Variants in SORCS2 observed in about 807,000 individuals in gnomAD.
SORCS2 encodes the protein VPS10 domain-containing receptor SorCS2.
In SORCS2, 100 loss-of-function variants were observed where a neutral mutation model predicts 141.6. That is an observed-to-expected ratio of 0.71 (90% CI 0.60 to 0.83). The LOEUF is 0.83. Among genes scored for constraint, SORCS2 ranks in the 40% least tolerant of loss-of-function variants. The pLI, the probability that SORCS2 is intolerant of heterozygous loss-of-function variation, is 0.00. For synonymous variants in SORCS2, 789 were observed against 676.9 expected, an observed-to-expected ratio of 1.17 and a Z score of -2.57; for missense variants, 1,646 against 1,560.2, an observed-to-expected ratio of 1.05 and a Z score of -0.93.
At chr4:7,216,973 C>A (rs1320175548) in intron 1 of SORCS2, among the ~76,000 whole-genome samples, 2 of 152,144 alleles carry the variant, frequency 1.3e-5, no homozygotes, top group Non-Finnish European at 2.9e-5. Flanking sequence ...TCTTCTGATC[C>A]CCCATCCGCA....
At chr4:7,206,452 A>T (rs947182717) in intron 1 of SORCS2, among the ~76,000 whole-genome samples, 5 of 152,166 alleles carry the variant, frequency 3.3e-5, no homozygotes, top group African/African-American at 9.7e-5. Flanking sequence ...CAAAGCTGGT[A>T]AGTGAGGATC....
chr4:7,639,186 C>T (rs572178061), intron 4 of SORCS2, among the ~76,000 whole-genome samples: 1 of 152,326 alleles, frequency 6.6e-6, no homozygotes, highest in East Asian at 1.9e-4. Flanking sequence ...CAGGCTCTAG[C>T]TTAAGCAACA....
At chr4:7,490,904 C>T (rs1286081927) in intron 2 of SORCS2, among the ~76,000 whole-genome samples, 3 of 152,118 alleles carry the variant, frequency 2.0e-5, no homozygotes, top group Non-Finnish European at 4.4e-5. Context: ...TCCAGACCAC[C>T]GTCTCCTCCT....
intron 2 of SORCS2, among the ~76,000 whole-genome samples, chr4:7,421,057 G>A (rs1285082876): frequency 6.6e-6 from 1 of 152,198 alleles, no homozygotes; most frequent in Non-Finnish European, 1.5e-5. Context: ...CTGGTTCCCA[G>A]TTCTCTCTTG....
intron 5 of SORCS2, among the ~76,000 whole-genome samples, chr4:7,660,300 A>T (rs572538842): frequency 6.6e-6 from 1 of 152,228 alleles, no homozygotes; most frequent in Non-Finnish European, 1.5e-5. Flanking sequence ...GGAGTGGGAG[A>T]ACCACAGCCC....
chr4:7,242,935 G>A (rs1376560389), intron 1 of SORCS2, among the ~76,000 whole-genome samples: 3 of 152,208 alleles, frequency 2.0e-5, no homozygotes, highest in African/African-American at 7.2e-5. Context: ...CTGGTTGGAT[G>A]GGAGGCACTG....
At chr4:7,499,516 GA>G (rs1345609651) in intron 2 of SORCS2, among the ~76,000 whole-genome samples, 1 of 152,120 alleles carries the variant, frequency 6.6e-6, no homozygotes. Context: ...GGGGCGGACT[GA>G]AAAGGATAGT....
At chr4:7,520,153 C>T (rs750922420) in intron 2 of SORCS2, among the ~76,000 whole-genome samples, 1 of 152,198 alleles carries the variant, frequency 6.6e-6, no homozygotes, top group Non-Finnish European at 1.5e-5. Context: ...AGTTGCACGG[C>T]ACCGCTGGCT....
intron 1 of SORCS2, among the ~76,000 whole-genome samples, chr4:7,395,405 T>A (rs185301044): frequency 9.9e-4 from 151 of 152,142 alleles, no homozygotes; most frequent in African/African-American, 3.3e-3. Flanking sequence ...GCCATGGGAG[T>A]GTTAGGAACA....
At chr4:7,518,061 C>A (rs540986907) in intron 2 of SORCS2, among the ~76,000 whole-genome samples, 6 of 152,176 alleles carry the variant, frequency 3.9e-5, no homozygotes, top group African/African-American at 4.8e-5. Flanking sequence ...TATGCTCACA[C>A]AGGGACCAGG....
At chr4:7,622,448 G>C (rs2108831520) in intron 3 of SORCS2, among the ~76,000 whole-genome samples, 1 of 152,316 alleles carries the variant, frequency 6.6e-6, no homozygotes, top group African/African-American at 2.4e-5. Context: ...AAGCAGAGAG[G>C]CCGGGGCACA....
chr4:7,617,080 C>T (rs1031093970), intron 3 of SORCS2, among the ~76,000 whole-genome samples: 1 of 152,216 alleles, frequency 6.6e-6, no homozygotes, highest in South Asian at 2.1e-4. Flanking sequence ...AGCAGCTAGT[C>T]CAAATTGTGG....
At chr4:7,731,125 A>C (rs1711638753) in intron 23 of SORCS2, among the ~76,000 whole-genome samples, 1 of 152,252 alleles carries the variant, frequency 6.6e-6, no homozygotes, top group Admixed American at 6.5e-5. Flanking sequence ...ACAGCAAGCT[A>C]CCTGGAAAAG....
At chr4:7,250,361 T>C (rs928655014) in intron 1 of SORCS2, among the ~76,000 whole-genome samples, 8 of 152,218 alleles carry the variant, frequency 5.3e-5, no homozygotes, top group African/African-American at 1.2e-4. Context: ...GCTCTATGCG[T>C]CATTTAAAAA....
At chr4:7,466,585 A>G (rs1215633299) in intron 2 of SORCS2, among the ~76,000 whole-genome samples, 1 of 152,118 alleles carries the variant, frequency 6.6e-6, no homozygotes, top group Non-Finnish European at 1.5e-5. Flanking sequence ...GTGGAAACCC[A>G]TGGAAAGGGG....
chr4:7,636,653 C>G (rs1405987778), intron 3 of SORCS2, among the ~76,000 whole-genome samples: 1 of 152,090 alleles, frequency 6.6e-6, no homozygotes, highest in African/African-American at 2.4e-5. Context: ...ATAAGGGTGT[C>G]TCCTCCTAAA....
intron 1 of SORCS2, among the ~76,000 whole-genome samples, chr4:7,315,250 G>A (rs980700054): frequency 6.6e-6 from 1 of 152,198 alleles, no homozygotes; most frequent in African/African-American, 2.4e-5. Flanking sequence ...TGATGGCCAG[G>A]TGGGCCTCCC....
intron 1 of SORCS2, among the ~76,000 whole-genome samples, chr4:7,342,445 G>A (rs553997302): frequency 2.6e-5 from 4 of 152,288 alleles, no homozygotes; most frequent in Admixed American, 1.3e-4. Context: ...TTCCACAGCC[G>A]GCCCTGGTGA....
intron 14 of SORCS2, among the ~76,000 whole-genome samples, chr4:7,709,825 G>A (rs1725706751): frequency 6.6e-6 from 1 of 152,182 alleles, no homozygotes; most frequent in Non-Finnish European, 1.5e-5. Flanking sequence ...CCACAGTGCA[G>A]CCTCAGAGCA....
Sources: gnomAD v4.1 joint callset for allele counts (sites outside exome capture counted in the v4.1 genomes callset) on GRCh38, gnomAD v4.1.1 for gene constraint, MANE v1.5 for transcripts, NCBI Gene and HGNC (gene_info 2026-07-23, HGNC 2026-07-21) for gene names.